Variants in SLC24A3 observed in about 807,000 individuals in gnomAD.
The protein encoded by SLC24A3 is solute carrier family 24 member 3.
SLC24A3 carries 28 observed loss-of-function variants against 75.8 expected under a neutral mutation model. The observed-to-expected ratio is 0.37, with a 90% CI of 0.27 to 0.51. The LOEUF (loss-of-function observed/expected upper bound fraction) is 0.51. SLC24A3 is among the 20% of genes least tolerant of loss of function. The pLI, the probability that SLC24A3 is intolerant of heterozygous loss-of-function variation, is 0.94. For synonymous variants in SLC24A3, 372 were observed against 334.1 expected, an observed-to-expected ratio of 1.11 and a Z score of -1.24; for missense variants, 663 against 847.8, an observed-to-expected ratio of 0.78 and a Z score of 2.71.
chr20:19,529,088 C>T (rs551866542), intron 3 of SLC24A3, among the ~76,000 whole-genome samples: 1 of 152,128 alleles, frequency 6.6e-6, no homozygotes, highest in Non-Finnish European at 1.5e-5. Context: ...ACAATAGGCA[C>T]TAATTTTTAA....
At chr20:19,534,665 A>C (rs755852483) in intron 3 of SLC24A3, among the ~76,000 whole-genome samples, 5 of 152,146 alleles carry the variant, frequency 3.3e-5, no homozygotes, top group Admixed American at 2.6e-4. Context: ...CCTGCCTCCC[A>C]AAGTACTGGA....
intron 13 of SLC24A3, chr20:19,694,516 G>A (rs1187515402): frequency 6.6e-6 from 1 of 152,118 alleles, no homozygotes; most frequent in Non-Finnish European, 1.5e-5. Context: ...TAAAACCCAA[G>A]TTTTATAGCC....
intron 3 of SLC24A3, among the ~76,000 whole-genome samples, chr20:19,576,604 CAG>C (rs1477741476): frequency 6.6e-6 from 1 of 152,102 alleles, no homozygotes; most frequent in Non-Finnish European, 1.5e-5. Context: ...TCATGCTGCC[CAG>C]CTCACGAGAA....
intron 1 of SLC24A3, among the ~76,000 whole-genome samples, chr20:19,243,488 A>C (rs1165216827): frequency 6.6e-6 from 1 of 152,216 alleles, no homozygotes. Context: ...TTCCTAGTTC[A>C]GAAGGACCCC....
At chr20:19,542,054 AG>A (rs368838625) in intron 3 of SLC24A3, among the ~76,000 whole-genome samples, 2 of 152,186 alleles carry the variant, frequency 1.3e-5, no homozygotes. Context: ...AATCAAATGA[AG>A]GGGGGACCTG....
chr20:19,295,860 TG>T (rs1225324991), intron 2 of SLC24A3, among the ~76,000 whole-genome samples: 1 of 152,170 alleles, frequency 6.6e-6, no homozygotes, highest in East Asian at 1.9e-4. Context: ...ATCAAGATGA[TG>T]CTGGCCTCAT....
At chr20:19,643,331 G>C (rs1600317695) in intron 6 of SLC24A3, among the ~76,000 whole-genome samples, 1 of 152,104 alleles carries the variant, frequency 6.6e-6, no homozygotes, top group South Asian at 2.1e-4. Flanking sequence ...CCAAACACCA[G>C]GTAGAAATCT....
chr20:19,377,064 C>G (rs1025615099), intron 2 of SLC24A3, among the ~76,000 whole-genome samples: 1 of 152,136 alleles, frequency 6.6e-6, no homozygotes, highest in Non-Finnish European at 1.5e-5. Context: ...CCAGGGCTGC[C>G]TACTTGGGAT....
At chr20:19,246,538 T>C (rs1183364339) in intron 1 of SLC24A3, among the ~76,000 whole-genome samples, 3 of 152,164 alleles carry the variant, frequency 2.0e-5, no homozygotes, top group Admixed American at 6.5e-5. Context: ...TCAGATGAGA[T>C]TGACATTTTT....
In SLC24A3 at chr20:19,384,248, A is replaced by G. The variant is rs115469912; in HGVS notation, c.271+103161A>G. Among the ~76,000 whole-genome samples, 450 of 152,354 alleles carry G rather than the reference A, an allele frequency of 3.0e-3. 2 individuals are homozygous for G. The highest frequency in any genetic ancestry group is 0.01 in the African/African-American group (424 of 41,584). ...TATACAATACAGTATTATTAACTAT[A>G]GTCATCATGCTATACGTTAAATCTC... is the stretch of plus-strand genomic sequence containing the variant. On this transcript the variant is annotated intron_variant, in intron 2 of 16. Transcript: ENST00000328041.
At position 19,381,331 on chromosome 20, in the gene SLC24A3, G is replaced by A. The variant is rs550496739; in HGVS notation, c.271+100244G>A. On this transcript the variant is annotated intron_variant, in intron 2 of 16. Coordinates refer to ENST00000328041, the MANE Select transcript of SLC24A3 (RefSeq NM_020689.4). ...AACAAATAAAATTAAATAAAGGAAT[G>A]CATTGTCTGGCAGACGGTAATAAGA... 2.0e-5 allele frequency among the ~76,000 whole-genome samples: 3 copies of A among 152,316 alleles called. No homozygotes were observed. The South Asian group carries it at 6.2e-4, about 32-fold the overall frequency.
At chr20:19,598,010 G>A (rs570873533) in intron 6 of SLC24A3, among the ~76,000 whole-genome samples, 22 of 152,298 alleles carry the variant, frequency 1.4e-4, no homozygotes, top group Non-Finnish European at 2.6e-4. Flanking sequence ...TTGCTATTGT[G>A]AACAGAGCTG....
intron 6 of SLC24A3, among the ~76,000 whole-genome samples, chr20:19,586,741 G>A (rs1207911834): frequency 3.9e-5 from 6 of 152,140 alleles, no homozygotes; most frequent in Non-Finnish European, 2.9e-5. Flanking sequence ...ACACGCAGAG[G>A]GACACCTGGA....
At chr20:19,274,382 TC>T (rs950042399) in intron 1 of SLC24A3, among the ~76,000 whole-genome samples, 4 of 152,074 alleles carry the variant, frequency 2.6e-5, no homozygotes, top group African/African-American at 9.7e-5. Context: ...TCTCTGACTT[TC>T]TGGAAGCTTT....
At chr20:19,268,265 A>C (rs1983224597) in intron 1 of SLC24A3, among the ~76,000 whole-genome samples, 1 of 152,218 alleles carries the variant, frequency 6.6e-6, no homozygotes, top group Admixed American at 6.5e-5. Flanking sequence ...CACTCGGTGC[A>C]GGTGCCATTG....
At chr20:19,374,516 C>T (rs1185926525) in intron 2 of SLC24A3, among the ~76,000 whole-genome samples, 2 of 152,324 alleles carry the variant, frequency 1.3e-5, no homozygotes, top group African/African-American at 4.8e-5. Context: ...TCTATCTCTC[C>T]TGGAGTTCTG....
At chr20:19,439,777 G>A (rs1300593519) in intron 2 of SLC24A3, among the ~76,000 whole-genome samples, 1 of 152,236 alleles carries the variant, frequency 6.6e-6, no homozygotes, top group African/African-American at 2.4e-5. Context: ...ATAATGGAAT[G>A]CCTCGCTGAT....
At chr20:19,318,411 A>C (rs1213299958) in intron 2 of SLC24A3, among the ~76,000 whole-genome samples, 1 of 152,168 alleles carries the variant, frequency 6.6e-6, no homozygotes, top group Non-Finnish European at 1.5e-5. Context: ...GACAAGACCC[A>C]AGAAAGACCA....
chr20:19,688,025 G>A (rs1444170313), intron 12 of SLC24A3, among the ~76,000 whole-genome samples: 2 of 152,138 alleles, frequency 1.3e-5, no homozygotes, highest in Non-Finnish European at 2.9e-5. Context: ...GAGAAGAGAC[G>A]ATACTCTGTG....
Sources: allele counts gnomAD v4.1 joint callset (sites outside exome capture counted in the v4.1 genomes callset), GRCh38; gene constraint gnomAD v4.1.1; transcripts MANE v1.5; gene names NCBI Gene and HGNC (gene_info 2026-07-23, HGNC 2026-07-21).